The following UNKL variants were observed in gnomAD, a reference collection of about 807,000 sequenced individuals.
UNKL encodes the protein unk like zinc finger, also known as putative E3 ubiquitin-protein ligase UNKL.
A neutral mutation model predicts 78.0 loss-of-function variants in UNKL; 60 were observed. The observed-to-expected ratio is 0.77, with a 90% CI of 0.63 to 0.95. The LOEUF is 0.95. UNKL is among the 40% of genes least tolerant of loss of function. The pLI is 0.00. For synonymous variants in UNKL, 608 were observed against 474.8 expected (o/e 1.28, Z -3.65); for missense variants, 1,159 against 1,045.7 (o/e 1.11, Z -1.49).
chr16:1,369,051 ATTAG>A (rs2035551379), intron 12 of UNKL, among the ~76,000 whole-genome samples: 1 of 113,222 alleles, frequency 8.8e-6, no homozygotes, highest in Non-Finnish European at 1.9e-5. Context: ...GGCCCAAAGT[ATTAG>A]TTTTTTTTTT....
At chr16:1,382,661 C>T (rs962853760) in intron 10 of UNKL, among the ~76,000 whole-genome samples, 4 of 152,136 alleles carry the variant, frequency 2.6e-5, no homozygotes, top group African/African-American at 9.7e-5. Flanking sequence ...TGAAAGAGAC[C>T]CTTTAAAAAA....
chr16:1,400,546 A>G (rs2037481651), intron 4 of UNKL, among the ~76,000 whole-genome samples: 1 of 151,358 alleles, frequency 6.6e-6, no homozygotes, highest in African/African-American at 2.4e-5. Flanking sequence ...GATGGGGAGG[A>G]ACTGCTCATA....
intron 9 of UNKL, among the ~76,000 whole-genome samples, chr16:1,388,733 C>T (rs1391098636): frequency 3.9e-5 from 6 of 152,038 alleles, no homozygotes; most frequent in Non-Finnish European, 8.8e-5. Flanking sequence ...TCACTAACAC[C>T]GGCACCGTTC....
chr16:1,372,190 A>C (rs7188282), intron 10 of UNKL, among the ~76,000 whole-genome samples: 1 of 152,032 alleles, frequency 6.6e-6, no homozygotes, highest in African/African-American at 2.4e-5. Flanking sequence ...TGTGAACCCC[A>C]GAGGCGGAGC....
At chr16:1,372,599 T>C (rs536063655) in intron 10 of UNKL, among the ~76,000 whole-genome samples, 84 of 152,222 alleles carry the variant, frequency 5.5e-4, no homozygotes, top group African/African-American at 1.9e-3. Flanking sequence ...CACCAGCCCC[T>C]GAAGCCACAG....
intron 6 of UNKL, 150 bp from the exon 7 acceptor site, chr16:1,394,365 G>A (rs577938681): frequency 2.0e-5 from 18 of 914,398 alleles, no homozygotes; most frequent in Admixed American, 1.0e-4. Context: ...CCTCCTCCAC[G>A]TGTGCCCTTG....
intron 6 of UNKL, among the ~76,000 whole-genome samples, chr16:1,396,796 G>A (rs888538964): frequency 2.6e-5 from 4 of 151,822 alleles, no homozygotes; most frequent in Non-Finnish European, 4.4e-5. Flanking sequence ...GGTTTTGCCA[G>A]GATGGTCTTG....
chr16:1,366,284 C>T lies in UNKL; in HGVS notation c.2158G>A (p.Ala720Thr), dbSNP rs778670675. The change falls in exon 15 of 15, where the codon GCA becomes ACA. Residue 720 changes from alanine (A) to threonine (T), a missense_variant. Physicochemically the swap from Ala to Thr is moderately conservative, Grantham distance 58 (BLOSUM62 0). Coordinates refer to ENST00000389221, the MANE Select transcript of UNKL (RefSeq NM_001372107.1). ...HILCEPCAAT[A>T]PECPYCKGQP... ...CCCTTGCAGTAGGGGCACTCAGGTG[C>T]GGTGGCCGCACACGGCTCACAGAGG... 5.7e-5 allele frequency: 91 copies of T among 1,594,330 alleles called. 1 individual carries two copies. The highest frequency in any genetic ancestry group is 2.0e-4 in the African/African-American group (15 of 74,588).
intron 8 of UNKL, among the ~76,000 whole-genome samples, chr16:1,391,065 G>A (rs886570721): frequency 2.0e-5 from 3 of 151,682 alleles, no homozygotes; most frequent in Admixed American, 1.3e-4. Context: ...AAAGGATATC[G>A]CTTGAACCCA....
chr16:1,393,795 G>C (rs1699802544), intron 7 of UNKL, among the ~76,000 whole-genome samples: 1 of 152,206 alleles, frequency 6.6e-6, no homozygotes. Context: ...GAAGGACCCA[G>C]CTTGGATGCC....
rs140939339 is a variant in UNKL at position 1,398,754 on chromosome 16, G to A, written c.734+620C>T. On this transcript the variant is annotated intron_variant, in intron 5 of 14. Coordinates refer to ENST00000389221, the MANE Select transcript of UNKL (RefSeq NM_001372107.1). The stretch of plus-strand genomic sequence containing the variant: ...AGGCCAGGCACAACCAGAAGGCCGG[G>A]CTGGAGCAAGGAGGAGAAAGGGGCT... 4.3e-3 allele frequency: 6,513 copies of A among 1,511,504 alleles called. 26 individuals are homozygous for A. The highest frequency in any genetic ancestry group is 0.017 in the Middle Eastern group (73 of 4,344). 93.6% of individuals were successfully genotyped at this position (1,511,504 alleles called of 1,614,324 possible). A position where few individuals can be genotyped will look rare whatever the true frequency, so the allele number is the denominator to read the frequency against.
chr16:1,380,588 A>G (rs988852482), intron 10 of UNKL, among the ~76,000 whole-genome samples: 1 of 150,888 alleles, frequency 6.6e-6, no homozygotes, highest in Admixed American at 6.6e-5. Flanking sequence ...AGCAGCAGCA[A>G]CAATACATTG....
intron 2 of UNKL, among the ~76,000 whole-genome samples, chr16:1,406,788 C>A (rs1345366355): frequency 1.3e-5 from 2 of 152,050 alleles, no homozygotes; most frequent in African/African-American, 4.8e-5. Flanking sequence ...CGCCTTAGGT[C>A]CTAAGGCATT....
intron 12 of UNKL, chr16:1,368,070 C>T: frequency 1.9e-6 from 1 of 525,430 alleles, no homozygotes; most frequent in Non-Finnish European, 3.4e-6. Context: ...CCTGCCCCGG[C>T]CGGTCTCCCC....
At chr16:1,408,280 G>A (rs916503625) in intron 2 of UNKL, among the ~76,000 whole-genome samples, 2 of 152,118 alleles carry the variant, frequency 1.3e-5, no homozygotes, top group Non-Finnish European at 2.9e-5. Context: ...CCAACGACCA[G>A]GACGGTTCCC....
At position 1,370,323 on chromosome 16, in the gene UNKL, G is replaced by A. The variant is rs1437954690; in HGVS notation, c.1392C>T (p.Ala464=). 2 of 1,533,482 alleles carry A rather than the reference G, an allele frequency of 1.3e-6. No homozygotes were observed. Among genetic ancestry groups the A allele is most frequent in the Non-Finnish European group, 8.7e-7 (1 of 1,145,984 alleles). 95.0% of individuals were successfully genotyped at this position (1,533,482 alleles called of 1,614,324 possible). Reference sequence around the variant, plus strand: ...GTGCTCTGGGCAGGGAGCCGGGGATGGCGACAGGTGCAGAGCCGGCCAGCG... The same window carrying A: ...GTGCTCTGGGCAGGGAGCCGGGGATAGCGACAGGTGCAGAGCCGGCCAGCG... ...PRSLAGSAPV[A]IPGSLPRAPS... is the part of the protein sequence containing the mutation. Residue 464 remains alanine (A), a synonymous_variant, in exon 12 of 15, where the codon GCC becomes GCT. Coordinates refer to ENST00000389221, the MANE Select transcript of UNKL (RefSeq NM_001372107.1).
At chr16:1,374,713 G>C (rs2036083114) in intron 10 of UNKL, among the ~76,000 whole-genome samples, 1 of 152,154 alleles carries the variant, frequency 6.6e-6, no homozygotes. Context: ...GAGCCAGGCA[G>C]GGCTGACTCG....
At chr16:1,366,538 A>T in intron 14 of UNKL, 143 bp from the exon 15 acceptor site, 1 of 1,087,158 alleles carries the variant, frequency 9.2e-7, no homozygotes, top group South Asian at 1.8e-5. Context: ...GAGACGCCCC[A>T]GCCAGGGCCA....
chr16:1,398,763 A>C (rs1170124503), intron 5 of UNKL: 9 of 1,398,518 alleles, frequency 6.4e-6, no homozygotes, highest in Non-Finnish European at 9.4e-7. Context: ...GGCTGGAGCA[A>C]GGAGGAGAAA....
Sources: allele counts gnomAD v4.1 joint callset (sites outside exome capture counted in the v4.1 genomes callset), GRCh38; gene constraint gnomAD v4.1.1; transcripts MANE v1.5; gene names NCBI Gene and HGNC (gene_info 2026-07-23, HGNC 2026-07-21).